BABAM2: variants seen among roughly 807,000 people sequenced by gnomAD.
The protein encoded by BABAM2 is BRISC and BRCA1 A complex member 2.
In BABAM2, 31 loss-of-function variants were observed where a neutral mutation model predicts 54.7. The ratio of observed to expected loss-of-function variants is 0.57; its 90% CI spans 0.43 to 0.77. The LOEUF is 0.77. Among genes scored for constraint, BABAM2 ranks in the 30% least tolerant of loss-of-function variants. The pLI is 0.00. For synonymous variants in BABAM2, 167 were observed against 162.9 expected (o/e 1.03, Z -0.19); for missense variants, 364 against 455.8 (o/e 0.80, Z 1.83).
chr2:28,061,867 T>A (rs1460721815), intron 6 of BABAM2, among the ~76,000 whole-genome samples: 1 of 152,162 alleles, frequency 6.6e-6, no homozygotes, highest in Non-Finnish European at 1.5e-5. Context: ...TGATTCTCAT[T>A]ACTTGTAAAA....
intron 6 of BABAM2, among the ~76,000 whole-genome samples, chr2:28,089,837 G>T (rs371207140): frequency 6.6e-6 from 1 of 152,004 alleles, no homozygotes; most frequent in Non-Finnish European, 1.5e-5. Context: ...CCTTCAATGC[G>T]ATTAATGTTT....
chr2:28,216,917 A>G (rs2130290), intron 7 of BABAM2, among the ~76,000 whole-genome samples: 113,313 of 151,966 alleles, frequency 0.75, 43,440 homozygotes, highest in East Asian at 0.99. Context: ...CCTCATTTCC[A>G]CCTCAGGGCT....
At chr2:27,932,304 T>C (rs1296052915) in intron 3 of BABAM2, among the ~76,000 whole-genome samples, 2 of 152,206 alleles carry the variant, frequency 1.3e-5, no homozygotes, top group Non-Finnish European at 2.9e-5. Context: ...CTTGTTCTTA[T>C]TTTATGAATA....
intron 6 of BABAM2, among the ~76,000 whole-genome samples, chr2:28,115,681 A>G (rs535706691): frequency 6.6e-6 from 1 of 152,046 alleles, no homozygotes; most frequent in Non-Finnish European, 1.5e-5. Flanking sequence ...AGTAGGTCCA[A>G]TTTGGAGATT....
intron 3 of BABAM2, among the ~76,000 whole-genome samples, chr2:27,942,534 AT>A (rs544430660): frequency 0.087 from 11,820 of 135,958 alleles, 661 homozygotes; most frequent in African/African-American, 0.17. Context: ...TAATTTTTGC[AT>A]TTTTTTTTTT....
intron 5 of BABAM2, among the ~76,000 whole-genome samples, chr2:28,032,227 T>A (rs532395524): frequency 7.2e-5 from 11 of 152,330 alleles, no homozygotes; most frequent in Middle Eastern, 3.4e-3. Context: ...AATTTTTCTT[T>A]CTGCCACATA....
chr2:28,142,971 G>T (rs1373888721), intron 7 of BABAM2, among the ~76,000 whole-genome samples: 2 of 151,908 alleles, frequency 1.3e-5, no homozygotes, highest in Non-Finnish European at 2.9e-5. Context: ...TTTCCACCCT[G>T]GTAGAGTTGT....
At chr2:27,913,087 A>AT (rs1246540018) in intron 2 of BABAM2, among the ~76,000 whole-genome samples, 1 of 152,172 alleles carries the variant, frequency 6.6e-6, no homozygotes, top group Non-Finnish European at 1.5e-5. Context: ...GGAAGAACAG[A>AT]TTAAAAAAAA....
At chr2:28,064,893 C>A (rs577697025) in intron 6 of BABAM2, among the ~76,000 whole-genome samples, 2 of 152,008 alleles carry the variant, frequency 1.3e-5, no homozygotes, top group East Asian at 3.9e-4. Context: ...ATCCCAGCTA[C>A]TCGGGAGGCC....
intron 7 of BABAM2, among the ~76,000 whole-genome samples, chr2:28,132,462 C>T (rs1203620276): frequency 6.6e-6 from 1 of 152,076 alleles, no homozygotes; most frequent in Admixed American, 6.6e-5. Context: ...ACGTTAAGAG[C>T]TCTCCACAGC....
At chr2:28,098,852 G>A (rs893753226) in intron 6 of BABAM2, among the ~76,000 whole-genome samples, 4 of 152,202 alleles carry the variant, frequency 2.6e-5, no homozygotes, top group Non-Finnish European at 4.4e-5. Flanking sequence ...AATAAAGGAT[G>A]GTTTCGCCAG....
intron 5 of BABAM2, among the ~76,000 whole-genome samples, chr2:28,027,460 C>T (rs939442636): frequency 4.6e-5 from 7 of 152,212 alleles, no homozygotes; most frequent in Non-Finnish European, 8.8e-5. Flanking sequence ...TGTCCACTTA[C>T]AGTTAATCTT....
At chr2:27,981,399 A>G (rs181411738) in intron 3 of BABAM2, among the ~76,000 whole-genome samples, 3 of 152,290 alleles carry the variant, frequency 2.0e-5, no homozygotes, top group East Asian at 1.9e-4. Context: ...AAAGTATACA[A>G]TTCAGTGGCT....
intron 2 of BABAM2, among the ~76,000 whole-genome samples, chr2:27,902,492 C>T (rs1460615466): frequency 6.6e-6 from 1 of 152,166 alleles, no homozygotes; most frequent in East Asian, 1.9e-4. Context: ...CAGATTGAAT[C>T]ATTTTCCTTC....
At chr2:28,088,544 G>A (rs1399354016) in intron 6 of BABAM2, among the ~76,000 whole-genome samples, 2 of 152,182 alleles carry the variant, frequency 1.3e-5, no homozygotes, top group Admixed American at 6.5e-5. Flanking sequence ...GGAGACTTTT[G>A]TAGGACAGGG....
chr2:28,033,462 C>T (rs1455329181), intron 5 of BABAM2, among the ~76,000 whole-genome samples: 2 of 152,122 alleles, frequency 1.3e-5, no homozygotes, highest in African/African-American at 4.8e-5. Flanking sequence ...GGACTCTGTG[C>T]AGAGTCCTGA....
intron 6 of BABAM2, among the ~76,000 whole-genome samples, chr2:28,069,916 G>A (rs768690013): frequency 2.6e-5 from 4 of 152,082 alleles, no homozygotes; most frequent in Non-Finnish European, 5.9e-5. Flanking sequence ...GCTCTGTTGC[G>A]CAGGCTGGAT....
intron 3 of BABAM2, among the ~76,000 whole-genome samples, chr2:27,955,528 C>T (rs1670021855): frequency 6.6e-6 from 1 of 152,212 alleles, no homozygotes. Context: ...TCTTTTATAT[C>T]ATTTGTAAAT....
intron 4 of BABAM2, among the ~76,000 whole-genome samples, chr2:28,021,561 T>C (rs1169978506): frequency 6.6e-6 from 1 of 152,262 alleles, no homozygotes; most frequent in African/African-American, 2.4e-5. Context: ...AGGAAAATTA[T>C]ACTTCCTTAA....
Sources: gnomAD v4.1 joint callset for allele counts (sites outside exome capture counted in the v4.1 genomes callset) on GRCh38, gnomAD v4.1.1 for gene constraint, MANE v1.5 for transcripts, NCBI Gene and HGNC (gene_info 2026-07-23, HGNC 2026-07-21) for gene names.